The following PAK1 variants were observed in gnomAD, a reference collection of about 807,000 sequenced individuals.
The protein encoded by PAK1 is serine/threonine-protein kinase PAK 1.
PAK1 carries 29 observed loss-of-function variants against 67.4 expected under a neutral mutation model. The observed-to-expected ratio is 0.43, with a 90% CI of 0.32 to 0.59. PAK1 has a LOEUF of 0.59. PAK1 is among the 20% of genes least tolerant of loss of function. The pLI is 0.07. For synonymous variants in PAK1, 223 were observed against 237.4 expected (o/e 0.94, Z 0.56); for missense variants, 337 against 670.7 (o/e 0.50, Z 5.50).
At chr11:77,429,628 T>A (rs531510744) in intron 1 of PAK1, among the ~76,000 whole-genome samples, 14 of 152,340 alleles carry the variant, frequency 9.2e-5, no homozygotes, top group African/African-American at 3.4e-4. Flanking sequence ...ACCTGCTTTA[T>A]CTGATATTCT....
the PAK1 span, among the ~76,000 whole-genome samples, chr11:77,511,246 C>T: frequency 3.3e-5 from 5 of 152,176 alleles, no homozygotes; most frequent in African/African-American, 1.2e-4. Context: ...CTTTATAGCT[C>T]ACTTCTGCCA....
upstream of PAK1, chr11:77,476,845 G>C (rs1239657091): frequency 6.6e-6 from 1 of 152,160 alleles, no homozygotes; most frequent in Admixed American, 6.6e-5. Context: ...TTAGCTGGGC[G>C]TGGTGGCACA....
At chr11:77,373,615 A>C (rs1592042572) in intron 5 of PAK1, among the ~76,000 whole-genome samples, 1 of 150,796 alleles carries the variant, frequency 6.6e-6, no homozygotes, top group African/African-American at 2.4e-5. Flanking sequence ...ACATTTTACT[A>C]TTTATAGGAC....
At chr11:77,341,484 C>T (rs149426089) in intron 10 of PAK1, among the ~76,000 whole-genome samples, 1 of 152,206 alleles carries the variant, frequency 6.6e-6, no homozygotes, top group East Asian at 1.9e-4. Flanking sequence ...GCCAAGACTA[C>T]CATTTAGTAA....
upstream of PAK1, chr11:77,475,949 T>A (rs986940238): frequency 1.3e-5 from 2 of 152,242 alleles, no homozygotes; most frequent in Non-Finnish European, 2.9e-5. Context: ...GGCAGCCAGA[T>A]CACCTGAGGT....
In PAK1 at chr11:77,417,215, C is replaced by T. The variant is rs778490545; in HGVS notation, c.-21-24674G>A. Among the ~76,000 whole-genome samples, 11 of 152,052 alleles carry T rather than the reference C, an allele frequency of 7.2e-5. No individual in the cohort carries two copies. The South Asian group carries it at 8.3e-4, about 11-fold the overall frequency. On this transcript the variant is annotated intron_variant, in intron 1 of 14. Transcript: ENST00000356341. Reference sequence around the variant, plus strand: ...TTTATTGCAGTTTTATTCAGAATTGCTAAAAACTGGAAGCGACTGAGATAT... The same window carrying T: ...TTTATTGCAGTTTTATTCAGAATTGTTAAAAACTGGAAGCGACTGAGATAT...
the PAK1 span, among the ~76,000 whole-genome samples, chr11:77,503,957 T>A: frequency 2.0e-5 from 3 of 152,346 alleles, no homozygotes; most frequent in Non-Finnish European, 4.4e-5. Flanking sequence ...AGTGGCGCGA[T>A]CTCAACTCAT....
intron 1 of PAK1, among the ~76,000 whole-genome samples, chr11:77,401,828 T>A (rs779742907): frequency 3.3e-5 from 5 of 152,224 alleles, no homozygotes; most frequent in Non-Finnish European, 5.9e-5. Flanking sequence ...TGCAACAATT[T>A]CCAAACTTCA....
the PAK1 span, among the ~76,000 whole-genome samples, chr11:77,490,481 C>T: frequency 6.7e-6 from 1 of 149,090 alleles, no homozygotes; most frequent in African/African-American, 2.5e-5. Context: ...CCCGCCCGGC[C>T]AGCCGCCCCG....
intron 2 of PAK1, among the ~76,000 whole-genome samples, chr11:77,390,334 G>A (rs1358266344): frequency 6.6e-6 from 1 of 152,094 alleles, no homozygotes; most frequent in Non-Finnish European, 1.5e-5. Flanking sequence ...CTGAGTAGCT[G>A]GGATTATAGG....
intron 8 of PAK1, among the ~76,000 whole-genome samples, chr11:77,350,681 A>G (rs1945118493): frequency 1.3e-5 from 2 of 152,204 alleles, no homozygotes; most frequent in Non-Finnish European, 2.9e-5. Flanking sequence ...GGGAAAAGTC[A>G]TGTGTAAGCA....
chr11:77,490,027 C>T, the PAK1 span, among the ~76,000 whole-genome samples: 1 of 151,338 alleles, frequency 6.6e-6, no homozygotes, highest in African/African-American at 2.4e-5. Flanking sequence ...CGGCCGCCAT[C>T]CCATCTAGGA....
chr11:77,456,515 C>T (rs2135440654), intron 1 of PAK1, among the ~76,000 whole-genome samples: 1 of 152,186 alleles, frequency 6.6e-6, no homozygotes, highest in African/African-American at 2.4e-5. Flanking sequence ...TTTCACAAGG[C>T]TTATATTCTA....
intron 9 of PAK1, among the ~76,000 whole-genome samples, chr11:77,346,391 T>C (rs994064178): frequency 1.3e-5 from 2 of 152,202 alleles, no homozygotes; most frequent in Admixed American, 6.5e-5. Flanking sequence ...ACTTGAACTC[T>C]GAGGACTTAA....
At chr11:77,348,144 T>G (rs975110214) in intron 9 of PAK1, among the ~76,000 whole-genome samples, 3 of 152,214 alleles carry the variant, frequency 2.0e-5, no homozygotes, top group Admixed American at 2.0e-4. Flanking sequence ...GGGTGCCACG[T>G]GGTTTCAACC....
intron 8 of PAK1, among the ~76,000 whole-genome samples, chr11:77,350,840 C>T (rs2136408036): frequency 6.6e-6 from 1 of 152,238 alleles, no homozygotes; most frequent in East Asian, 1.9e-4. Context: ...TTCTTCACTG[C>T]CTGATTATCC....
At chr11:77,438,923 G>A (rs1186759452) in intron 1 of PAK1, among the ~76,000 whole-genome samples, 1 of 152,194 alleles carries the variant, frequency 6.6e-6, no homozygotes, top group African/African-American at 2.4e-5. Flanking sequence ...AAGACATGAG[G>A]ATGAATTTGA....
At chr11:77,490,605 G>C in the PAK1 span, among the ~76,000 whole-genome samples, 1 of 152,068 alleles carries the variant, frequency 6.6e-6, no homozygotes. Context: ...CCTCTGCCCG[G>C]CCGCCACCCC....
intron 1 of PAK1, among the ~76,000 whole-genome samples, chr11:77,441,665 C>T (rs1042917421): frequency 1.3e-5 from 2 of 152,194 alleles, no homozygotes; most frequent in Non-Finnish European, 2.9e-5. Flanking sequence ...GACTTAGGAT[C>T]ACATGGTCAG....
Sources: gnomAD v4.1 joint callset for allele counts (sites outside exome capture counted in the v4.1 genomes callset) on GRCh38, gnomAD v4.1.1 for gene constraint, MANE v1.5 for transcripts, NCBI Gene and HGNC (gene_info 2026-07-23, HGNC 2026-07-21) for gene names.